The following LPGAT1 variants were observed in gnomAD, a reference collection of about 807,000 sequenced individuals.
LPGAT1 encodes acyl-CoA:lysophosphatidylglycerol acyltransferase 1.
In LPGAT1, 11 loss-of-function variants were observed where a neutral mutation model predicts 47.5. The observed-to-expected ratio is 0.23, with a 90% CI of 0.15 to 0.38. The LOEUF is 0.38. Among genes scored for constraint, LPGAT1 ranks in the 10% least tolerant of loss-of-function variants. The pLI, the probability that LPGAT1 is intolerant of heterozygous loss-of-function variation, is 1.00. For missense variants in LPGAT1, 293 were observed against 439.0 expected (o/e 0.67, Z 2.97); for synonymous variants, 138 against 144.2 (o/e 0.96, Z 0.31).
chr1:211,796,442 G>GAC (rs1198145589), intron 2 of LPGAT1, among the ~76,000 whole-genome samples: 2 of 152,160 alleles, frequency 1.3e-5, no homozygotes, highest in Non-Finnish European at 2.9e-5. Context: ...CAAGCTGAGG[G>GAC]ACACCAAGGA....
chr1:211,802,555 A>C (rs770506373), intron 2 of LPGAT1, among the ~76,000 whole-genome samples: 1 of 152,142 alleles, frequency 6.6e-6, no homozygotes, highest in Non-Finnish European at 1.5e-5. Context: ...ACATAATTGT[A>C]AAAATAAAAG....
chr1:211,810,908 T>C (rs1558280462), intron 2 of LPGAT1, among the ~76,000 whole-genome samples: 1 of 152,230 alleles, frequency 6.6e-6, no homozygotes, highest in Admixed American at 6.5e-5. Flanking sequence ...TACTAGACTT[T>C]AGGCCAGGGA....
intron 3 of LPGAT1, among the ~76,000 whole-genome samples, chr1:211,790,929 T>TA: frequency 6.6e-6 from 1 of 152,342 alleles, no homozygotes; most frequent in Admixed American, 6.5e-5. Context: ...GTAATGATCC[T>TA]ATCTGTAAGA....
At chr1:211,806,645 T>C (rs1659773846) in intron 2 of LPGAT1, among the ~76,000 whole-genome samples, 1 of 152,264 alleles carries the variant, frequency 6.6e-6, no homozygotes, top group African/African-American at 2.4e-5. Context: ...AACCTGAACA[T>C]ATACCCTCTG....
chr1:211,830,186 G>T lies in LPGAT1; in HGVS notation c.-28+387C>A. 1 of 983,202 alleles carries T rather than the reference G, an allele frequency of 1.0e-6. No homozygotes were observed. Among genetic ancestry groups the T allele is most frequent in the South Asian group, 4.7e-5 (1 of 21,442 alleles). 60.9% of individuals were successfully genotyped at this position (983,202 alleles called of 1,614,324 possible). A position where few individuals can be genotyped will look rare whatever the true frequency, so the allele number is the denominator to read the frequency against. On this transcript the variant is annotated intron_variant, in intron 1 of 7. Coordinates refer to ENST00000366997, the MANE Select transcript of LPGAT1 (RefSeq NM_014873.3). The surrounding 1 kb of genome is among the most constrained non-coding windows in gnomAD (Gnocchi z 5.9). The stretch of plus-strand genomic sequence containing the variant: ...GCGGCCCGCGCGCCGGGCTCACCTC[G>T]GCGGGCGCGGACGGCGGGCGGCTGC...
At chr1:211,756,427 C>G (rs1657455570) in intron 6 of LPGAT1, among the ~76,000 whole-genome samples, 1 of 152,130 alleles carries the variant, frequency 6.6e-6, no homozygotes, top group Admixed American at 6.5e-5. Flanking sequence ...ACTTCCCAGG[C>G]TCAAGTGATC....
chr1:211,822,174 T>C (rs1402934479), intron 2 of LPGAT1, among the ~76,000 whole-genome samples: 1 of 152,230 alleles, frequency 6.6e-6, no homozygotes, highest in Non-Finnish European at 1.5e-5. Context: ...ACTTGAGGTC[T>C]TACTACAAAC....
At position 211,751,456 on chromosome 1, in the gene LPGAT1, T is replaced by A. The variant is rs958887068; in HGVS notation, c.855-389A>T. The stretch of plus-strand genomic sequence containing the variant: ...AGTTAAATCAGGATGTTCAGTCATT[T>A]AGTTAAATGTCAGGCAATATTCTTT... On this transcript the variant is annotated intron_variant, in intron 6 of 7. Coordinates refer to ENST00000366997, the MANE Select transcript of LPGAT1 (RefSeq NM_014873.3). 4.6e-5 allele frequency among the ~76,000 whole-genome samples: 7 copies of A among 152,242 alleles called. 1 individual carries two copies. The highest frequency in any genetic ancestry group is 1.3e-4 in the Admixed American group (2 of 15,280).
At chr1:211,756,739 T>A (rs937402289) in intron 6 of LPGAT1, among the ~76,000 whole-genome samples, 9 of 152,202 alleles carry the variant, frequency 5.9e-5, no homozygotes, top group African/African-American at 2.2e-4. Flanking sequence ...AATTTAAAGA[T>A]CTCTTTCAAA....
At chr1:211,754,490 T>C (rs546598411) in intron 6 of LPGAT1, among the ~76,000 whole-genome samples, 72 of 152,204 alleles carry the variant, frequency 4.7e-4, no homozygotes, top group African/African-American at 1.7e-3. Flanking sequence ...ACCCATTTAG[T>C]GTTATTTTAT....
intron 5 of LPGAT1, among the ~76,000 whole-genome samples, chr1:211,780,793 A>C (rs1337169140): frequency 1.3e-5 from 2 of 152,238 alleles, no homozygotes; most frequent in Non-Finnish European, 2.9e-5. Flanking sequence ...TAAAAAATGA[A>C]ACAACCAAGA....
rs372469997 is a variant in LPGAT1 at position 211,747,432 on chromosome 1, A to C, written c.*2467T>G. 14 of 152,334 alleles carry C rather than the reference A, an allele frequency of 9.2e-5. 1 individual carries two copies. The East Asian group carries it at 2.1e-3, about 23-fold the overall frequency. 9.4% of individuals were successfully genotyped at this position (152,334 alleles called of 1,614,324 possible). ...ACTGTGAAAATGACACCGTACTTGA[A>C]AAGTAAAGCATCTTATAGAATAGTT... On this transcript the variant is annotated 3_prime_UTR_variant, in exon 8 of 8. Coordinates refer to ENST00000366997, the MANE Select transcript of LPGAT1 (RefSeq NM_014873.3).
chr1:211,791,991 C>A (rs1393796907), intron 3 of LPGAT1: 2 of 147,260 alleles, frequency 1.4e-5, no homozygotes, highest in Non-Finnish European at 3.1e-5. Flanking sequence ...ATGAACATAA[C>A]CTCTTTAACT....
intron 2 of LPGAT1, among the ~76,000 whole-genome samples, chr1:211,828,692 C>T (rs1239619806): frequency 6.6e-6 from 1 of 152,090 alleles, no homozygotes; most frequent in Admixed American, 6.5e-5. Context: ...TTCTAAATTT[C>T]CAATGTTTAT....
chr1:211,825,276 C>T (rs1284561145), intron 2 of LPGAT1, among the ~76,000 whole-genome samples: 1 of 139,398 alleles, frequency 7.2e-6, no homozygotes, highest in Non-Finnish European at 1.5e-5. Context: ...ACTGTAACCT[C>T]GAACTCCTGG....
At chr1:211,804,351 A>G (rs1385369553) in intron 2 of LPGAT1, among the ~76,000 whole-genome samples, 1 of 152,090 alleles carries the variant, frequency 6.6e-6, no homozygotes, top group Non-Finnish European at 1.5e-5. Flanking sequence ...CACCTGACAA[A>G]AATTTATTTT....
At chr1:211,796,441 G>A (rs916049627) in intron 2 of LPGAT1, among the ~76,000 whole-genome samples, 1 of 152,138 alleles carries the variant, frequency 6.6e-6, no homozygotes, top group Non-Finnish European at 1.5e-5. Context: ...ACAAGCTGAG[G>A]GACACCAAGG....
Position 211,829,087 on chromosome 1 carries a change from A to C in LPGAT1, c.210T>G (p.Ala70=). ...TATATCCAGCATACCATCCCCAGGA[A>C]GCTACCATTCCTAAAAGCCATTTAT... ...IMYKWLLGMV[A]SWGWYAGYTV... Residue 70 remains alanine (A), a synonymous_variant, in exon 2 of 8, where the codon GCT becomes GCG. Transcript: ENST00000366997. 2.5e-6 allele frequency: 4 copies of C among 1,614,194 alleles called. No individual in the cohort carries two copies. The highest frequency in any genetic ancestry group is 8.5e-7 in the Non-Finnish European group (1 of 1,180,030).
At chr1:211,783,957 G>A (rs939655888) in intron 4 of LPGAT1, among the ~76,000 whole-genome samples, 2 of 152,192 alleles carry the variant, frequency 1.3e-5, no homozygotes, top group Non-Finnish European at 2.9e-5. Flanking sequence ...AAGAGGGTCA[G>A]AGAAAGCTGC....
Sources: allele counts gnomAD v4.1 joint callset (sites outside exome capture counted in the v4.1 genomes callset), GRCh38; gene constraint gnomAD v4.1.1; non-coding constraint Gnocchi (gnomAD v3.1); transcripts MANE v1.5; gene names NCBI Gene and HGNC (gene_info 2026-07-23, HGNC 2026-07-21).